Variants in DPYD observed in about 807,000 individuals in gnomAD.
The protein encoded by DPYD is dihydropyrimidine dehydrogenase, also known as dihydropyrimidine dehydrogenase [NADP(+)].
DPYD carries 109 observed loss-of-function variants against 116.2 expected under a neutral mutation model. The observed-to-expected ratio is 0.94, with a 90% CI of 0.80 to 1.10. The LOEUF (loss-of-function observed/expected upper bound fraction) is 1.10. DPYD is among the 50% of genes least tolerant of loss of function. DPYD has a pLI of 0.00. For synonymous variants in DPYD, 440 were observed against 432.0 expected, an observed-to-expected ratio of 1.02 and a Z score of -0.23; for missense variants, 1,302 against 1,254.5, an observed-to-expected ratio of 1.04 and a Z score of -0.57.
intron 3 of DPYD, among the ~76,000 whole-genome samples, chr1:97,810,057 C>A (rs56767454): frequency 6.6e-6 from 1 of 151,808 alleles, no homozygotes; most frequent in Admixed American, 6.6e-5. Flanking sequence ...GAGGCCGACG[C>A]GGGTGGATCA....
chr1:97,121,175 G>A (rs12136135), intron 20 of DPYD, among the ~76,000 whole-genome samples: 1 of 152,158 alleles, frequency 6.6e-6, no homozygotes, highest in African/African-American at 2.4e-5. Context: ...ATGCAGAGGG[G>A]TGGAGCCCCT....
chr1:97,188,883 CTTCTA>C (rs1217140074), intron 20 of DPYD, among the ~76,000 whole-genome samples: 1 of 152,122 alleles, frequency 6.6e-6, no homozygotes, highest in African/African-American at 2.4e-5. Flanking sequence ...TATCTCACTC[CTTCTA>C]TTCTGGCTTT....
chr1:97,381,954 A>C (rs779349621), intron 15 of DPYD, among the ~76,000 whole-genome samples: 1 of 152,198 alleles, frequency 6.6e-6, no homozygotes, highest in Non-Finnish European at 1.5e-5. Context: ...AATAGTATTA[A>C]ATGAACCTTT....
At chr1:97,705,960 C>T (rs184659712) in intron 5 of DPYD, among the ~76,000 whole-genome samples, 34 of 151,938 alleles carry the variant, frequency 2.2e-4, no homozygotes, top group East Asian at 3.9e-4. Flanking sequence ...TCATATCCTT[C>T]GCCCACTTTT....
chr1:97,080,248 C>A (rs182238897), intron 22 of DPYD, among the ~76,000 whole-genome samples: 1 of 151,998 alleles, frequency 6.6e-6, no homozygotes, highest in Admixed American at 6.6e-5. Flanking sequence ...AAGTGTCTCT[C>A]CACCCCCATG....
At chr1:97,735,566 TA>T (rs1375413938) in intron 4 of DPYD, among the ~76,000 whole-genome samples, 1 of 149,544 alleles carries the variant, frequency 6.7e-6, no homozygotes, top group Non-Finnish European at 1.5e-5. Context: ...CGGGTGCCTG[TA>T]GTCCCAGGTA....
At chr1:97,783,950 G>A (rs934040414) in intron 3 of DPYD, among the ~76,000 whole-genome samples, 4 of 152,146 alleles carry the variant, frequency 2.6e-5, no homozygotes, top group African/African-American at 9.7e-5. Flanking sequence ...CTCAGCAGAG[G>A]CAAGTTCAGA....
chr1:97,172,749 G>C (rs1370943239), intron 20 of DPYD, among the ~76,000 whole-genome samples: 1 of 152,154 alleles, frequency 6.6e-6, no homozygotes, highest in East Asian at 1.9e-4. Context: ...GCCCTATCGG[G>C]AGAAGGAATT....
chr1:97,632,792 T>A (rs1216157832), intron 8 of DPYD, among the ~76,000 whole-genome samples: 1 of 152,152 alleles, frequency 6.6e-6, no homozygotes, highest in Non-Finnish European at 1.5e-5. Context: ...CCTTCATTTG[T>A]ATAAACTATC....
intron 1 of DPYD, among the ~76,000 whole-genome samples, chr1:97,905,826 C>A (rs1478773331): frequency 6.6e-6 from 1 of 151,988 alleles, no homozygotes; most frequent in Non-Finnish European, 1.5e-5. Flanking sequence ...CTCTATGATT[C>A]CTAATTTTCA....
Position 97,097,828 on chromosome 1 carries a change from T to C in DPYD, c.2766+661A>G, listed in dbSNP as rs149298795. On this transcript the variant is annotated intron_variant, in intron 21 of 22. Transcript: ENST00000370192. ...TGTCAGTATGCTGGTTGTGTTATCA[T>C]ACTATAGTTTTGCAACATGCAAAAC... Among the ~76,000 whole-genome samples the C allele has an allele frequency of 2.2e-3, 341 of 152,240 alleles. 3 individuals are homozygous for C. The highest frequency in any genetic ancestry group is 3.6e-3 in the Non-Finnish European group (246 of 68,010).
chr1:97,524,325 A>G (rs1648899191), intron 12 of DPYD, among the ~76,000 whole-genome samples: 1 of 152,214 alleles, frequency 6.6e-6, no homozygotes, highest in Non-Finnish European at 1.5e-5. Flanking sequence ...TTTCCATTGG[A>G]TATGACTCAG....
chr1:97,851,743 T>C (rs1670579681), intron 2 of DPYD, among the ~76,000 whole-genome samples: 1 of 151,396 alleles, frequency 6.6e-6, no homozygotes, highest in Non-Finnish European at 1.5e-5. Flanking sequence ...CTCTAGGCTC[T>C]AAACAAATAT....
At chr1:97,519,666 A>C (rs1449604638) in intron 12 of DPYD, among the ~76,000 whole-genome samples, 4 of 152,200 alleles carry the variant, frequency 2.6e-5, no homozygotes, top group Non-Finnish European at 5.9e-5. Flanking sequence ...AAGAGAAAAC[A>C]AAAGCCAAAG....
chr1:97,462,740 G>A (rs1174532930), intron 13 of DPYD, among the ~76,000 whole-genome samples: 1 of 152,158 alleles, frequency 6.6e-6, no homozygotes, highest in Non-Finnish European at 1.5e-5. Flanking sequence ...ATTTTGAAAT[G>A]GTCCTGCAAA....
chr1:97,644,609 TTTTG>T (rs1324857520), intron 8 of DPYD, among the ~76,000 whole-genome samples: 1 of 150,462 alleles, frequency 6.6e-6, no homozygotes, highest in African/African-American at 2.5e-5. Context: ...GTTTTTTGTT[TTTTG>T]TTTTTGTTTT....
intron 8 of DPYD, among the ~76,000 whole-genome samples, chr1:97,604,858 G>A (rs953306151): frequency 2.6e-5 from 4 of 152,056 alleles, no homozygotes; most frequent in South Asian, 2.1e-4. Context: ...ATGGAGTTCT[G>A]GGCCTTGTCT....
At chr1:97,241,165 G>A (rs745350197) in intron 18 of DPYD, among the ~76,000 whole-genome samples, 5 of 152,016 alleles carry the variant, frequency 3.3e-5, no homozygotes, top group Admixed American at 6.6e-5. Context: ...CATTCAATAT[G>A]TTCCTAGTGG....
At chr1:97,426,094 A>G (rs1208982655) in intron 14 of DPYD, among the ~76,000 whole-genome samples, 1 of 152,058 alleles carries the variant, frequency 6.6e-6, no homozygotes, top group African/African-American at 2.4e-5. Context: ...TGTTCATTAA[A>G]TATAGGCTGG....
Sources: gnomAD v4.1 joint callset for allele counts (sites outside exome capture counted in the v4.1 genomes callset) on GRCh38, gnomAD v4.1.1 for gene constraint, MANE v1.5 for transcripts, NCBI Gene and HGNC (gene_info 2026-07-23, HGNC 2026-07-21) for gene names.